Variants in NRG1 observed in about 807,000 individuals in gnomAD.
NRG1 encodes neuregulin 1, also known as pro-neuregulin-1, membrane-bound isoform.
In NRG1, 18 loss-of-function variants were observed where a neutral mutation model predicts 63.8. The ratio of observed to expected loss-of-function variants is 0.28; its 90% confidence interval spans 0.19 to 0.42. The LOEUF (loss-of-function observed/expected upper bound fraction) is 0.42, where lower values mean the gene tolerates loss of function less well. NRG1 is among the 10% of genes least tolerant of loss of function. The pLI, the probability that NRG1 is intolerant of heterozygous loss-of-function variation, is 1.00. For synonymous variants in NRG1, 302 were observed against 301.3 expected, an observed-to-expected ratio of 1.00 and a Z score of -0.02; for missense variants, 762 against 814.7, an observed-to-expected ratio of 0.94 and a Z score of 0.79.
chr8:32,642,161 G>A (rs1852534569), intron 5 of NRG1, among the ~76,000 whole-genome samples: 1 of 152,154 alleles, frequency 6.6e-6, no homozygotes, highest in African/African-American at 2.4e-5. Context: ...GGAGTATAGA[G>A]GGTATTTTAG....
At chr8:31,658,343 A>G (rs1258651916) in intron 1 of NRG1, among the ~76,000 whole-genome samples, 1 of 152,168 alleles carries the variant, frequency 6.6e-6, no homozygotes, top group African/African-American at 2.4e-5. Flanking sequence ...TGGGAACTCC[A>G]TGTTTCTAAA....
chr8:32,648,851 G>A (rs1246075590), intron 5 of NRG1, among the ~76,000 whole-genome samples: 1 of 152,012 alleles, frequency 6.6e-6, no homozygotes, highest in Admixed American at 6.6e-5. Context: ...GCTGCCTGTT[G>A]TCTCTCTCTC....
intron 1 of NRG1, among the ~76,000 whole-genome samples, chr8:31,796,760 C>G (rs1268175135): frequency 1.3e-5 from 2 of 152,092 alleles, no homozygotes; most frequent in Non-Finnish European, 2.9e-5. Flanking sequence ...CTATTCTTAA[C>G]TGTCCTTTTG....
chr8:32,300,505 C>T (rs1029129332), intron 1 of NRG1, among the ~76,000 whole-genome samples: 1 of 152,056 alleles, frequency 6.6e-6, no homozygotes, highest in African/African-American at 2.4e-5. Context: ...CAGAGTAAGT[C>T]AATAACATGG....
At chr8:32,546,305 C>CTT (rs11424377), upstream of NRG1, among the ~76,000 whole-genome samples, 103 of 145,946 alleles carry the variant, frequency 7.1e-4, no homozygotes, top group Non-Finnish European at 1.0e-3. Flanking sequence ...GGATTTTGAG[C>CTT]TTCTTTTTTT....
downstream of NRG1, among the ~76,000 whole-genome samples, chr8:32,772,039 ATG>A (rs1412816601): frequency 1.1e-4 from 5 of 45,290 alleles, no homozygotes; most frequent in African/African-American, 4.4e-4. Flanking sequence ...AAAAAAAAAT[ATG>A]TATATATATA....
intron 4 of NRG1, among the ~76,000 whole-genome samples, chr8:32,616,157 G>A (rs150203339): frequency 2.0e-5 from 3 of 151,088 alleles, no homozygotes; most frequent in African/African-American, 2.4e-5. Context: ...TGCTTTTTTC[G>A]GCATGAGTCA....
intron 1 of NRG1, among the ~76,000 whole-genome samples, chr8:32,408,934 C>T (rs898115264): frequency 6.6e-6 from 1 of 152,072 alleles, no homozygotes; most frequent in Non-Finnish European, 1.5e-5. Context: ...ATTCCACCCT[C>T]TATGTCCATG....
At chr8:32,597,406 G>A (rs1404063866) in intron 2 of NRG1, among the ~76,000 whole-genome samples, 2 of 152,044 alleles carry the variant, frequency 1.3e-5, no homozygotes, top group African/African-American at 4.8e-5. Context: ...ACTACACGTT[G>A]ACTCTAGTTA....
rs73674674 is a variant in NRG1 at position 32,380,227 on chromosome 8, C to T, written c.38-215601C>T. Among the ~76,000 whole-genome samples, 895 of 152,222 alleles carry T rather than the reference C, an allele frequency of 5.9e-3. 10 individuals are homozygous for T. Among genetic ancestry groups the T allele is most frequent in the African/African-American group, 0.021 (857 of 41,536 alleles). On this transcript the variant is annotated intron_variant, in intron 1 of 10. Transcript: ENST00000519301. ...TTTTTTTAATAATATATTTTGTCAT[C>T]TATAACACCATATATCCTCGGTCTT...
rs144328377 is a variant in NRG1, at chr8:31,857,318, G to C, written c.37+217887G>C. ...GGTGCGGGATATAATCTCCTGATGC[G>C]CTGTTTTTTAAGCCGGTTGGAAAAG... On this transcript the variant is annotated intron_variant, in intron 1 of 10. Transcript: ENST00000519301. Among the ~76,000 whole-genome samples the C allele has an allele frequency of 3.1e-3, 469 of 152,344 alleles. 3 individuals carry two copies. The highest frequency in any genetic ancestry group is 0.011 in the African/African-American group (440 of 41,590).
intron 1 of NRG1, among the ~76,000 whole-genome samples, chr8:31,898,504 A>C (rs1831792653): frequency 6.6e-6 from 1 of 152,118 alleles, no homozygotes; most frequent in Non-Finnish European, 1.5e-5. Context: ...TCTTATTCCA[A>C]AATGTGTTCT....
At chr8:32,547,540 C>T (rs1415792047), upstream of NRG1, among the ~76,000 whole-genome samples, 1 of 151,580 alleles carries the variant, frequency 6.6e-6, no homozygotes, top group East Asian at 1.9e-4. Context: ...TTAGAAGAGG[C>T]CAGGTTATTT....
At chr8:32,285,594 C>A (rs990995083) in intron 1 of NRG1, among the ~76,000 whole-genome samples, 19 of 152,146 alleles carry the variant, frequency 1.2e-4, no homozygotes, top group African/African-American at 4.6e-4. Context: ...ATATGGATCT[C>A]CAGGATTGGC....
At chr8:32,436,623 G>A (rs1300471656) in intron 1 of NRG1, among the ~76,000 whole-genome samples, 1 of 152,082 alleles carries the variant, frequency 6.6e-6, no homozygotes, top group African/African-American at 2.4e-5. Context: ...CTTGGACAGA[G>A]TTATGCCAGG....
chr8:31,919,376 G>C (rs1833702516), intron 1 of NRG1, among the ~76,000 whole-genome samples: 1 of 147,812 alleles, frequency 6.8e-6, no homozygotes, highest in African/African-American at 2.5e-5. Context: ...AAAGCAAGAA[G>C]GGGTTGTCAT....
At chr8:31,857,620 G>T (rs1311439941) in intron 1 of NRG1, among the ~76,000 whole-genome samples, 1 of 152,146 alleles carries the variant, frequency 6.6e-6, no homozygotes, top group African/African-American at 2.4e-5. Flanking sequence ...TTCCTATTCG[G>T]CCATCTTGGC....
intron 1 of NRG1, among the ~76,000 whole-genome samples, chr8:31,645,020 G>A (rs1452152432): frequency 6.6e-6 from 1 of 152,130 alleles, no homozygotes; most frequent in Non-Finnish European, 1.5e-5. Context: ...ATGGCTTAGT[G>A]AAAGTCTTCA....
At chr8:32,334,700 G>C (rs1803042768) in intron 1 of NRG1, among the ~76,000 whole-genome samples, 1 of 152,096 alleles carries the variant, frequency 6.6e-6, no homozygotes, top group African/African-American at 2.4e-5. Flanking sequence ...ATAGCTATCT[G>C]GTTGGAATTC....
Sources: allele counts gnomAD v4.1 joint callset (sites outside exome capture counted in the v4.1 genomes callset), GRCh38; gene constraint gnomAD v4.1.1; transcripts MANE v1.5; gene names NCBI Gene and HGNC (gene_info 2026-07-23, HGNC 2026-07-21).